The following DPYD variants were observed in gnomAD, a reference collection of about 807,000 sequenced individuals.
The protein encoded by DPYD is dihydropyrimidine dehydrogenase [NADP(+)].
In DPYD, 109 loss-of-function variants were observed where a neutral mutation model predicts 116.2. The ratio of observed to expected loss-of-function variants is 0.94; its 90% CI spans 0.80 to 1.10. The LOEUF (loss-of-function observed/expected upper bound fraction) is 1.10. Ranked by LOEUF, DPYD falls within the 50% of genes least tolerant of loss-of-function variation. DPYD has a pLI of 0.00. For synonymous variants in DPYD, 440 were observed against 432.0 expected, an observed-to-expected ratio of 1.02 and a Z score of -0.23; for missense variants, 1,302 against 1,254.5, an observed-to-expected ratio of 1.04 and a Z score of -0.57.
intron 18 of DPYD, among the ~76,000 whole-genome samples, chr1:97,291,521 G>T (rs1384664521): frequency 6.6e-6 from 1 of 152,144 alleles, no homozygotes; most frequent in Admixed American, 6.5e-5. Flanking sequence ...AAAATGATGA[G>T]TTCATGTCCT....
intron 1 of DPYD, among the ~76,000 whole-genome samples, chr1:97,904,558 T>C (rs1571561470): frequency 2.0e-5 from 3 of 152,034 alleles, no homozygotes; most frequent in South Asian, 2.1e-4. Context: ...TAGACCCTTA[T>C]CAGCCTAGCA....
intron 18 of DPYD, among the ~76,000 whole-genome samples, chr1:97,259,907 C>T (rs888998559): frequency 6.6e-6 from 1 of 152,072 alleles, no homozygotes; most frequent in African/African-American, 2.4e-5. Context: ...CATAAAGTTA[C>T]CTTTCACCAC....
chr1:97,688,761 A>C (rs1208240763), intron 7 of DPYD, among the ~76,000 whole-genome samples: 1 of 152,038 alleles, frequency 6.6e-6, no homozygotes, highest in Non-Finnish European at 1.5e-5. Context: ...TGGTTTTAAT[A>C]TCCATTACAT....
At position 97,909,992 on chromosome 1, in the gene DPYD, C is replaced by T. The variant is rs916581980; in HGVS notation, c.39+10892G>A. On this transcript the variant is annotated intron_variant, in intron 1 of 22. Transcript: ENST00000370192. ...AGTTCAGTCCCACCTCTTTGATTTG[C>T]TTTCATTTTTCCTCAAAAGCCCCTA... is the stretch of plus-strand genomic sequence containing the variant. Among the ~76,000 whole-genome samples, 5 of 152,034 alleles carry T rather than the reference C, an allele frequency of 3.3e-5. No individual in the cohort carries two copies. In the East Asian group the frequency reaches 5.8e-4, roughly 18 times the overall value.
intron 16 of DPYD, among the ~76,000 whole-genome samples, chr1:97,315,414 C>A (rs563711417): frequency 3.2e-4 from 48 of 152,026 alleles, no homozygotes; most frequent in African/African-American, 1.1e-3. Context: ...CTAGCAAAGA[C>A]TTTTCTTGTG....
intron 12 of DPYD, among the ~76,000 whole-genome samples, chr1:97,542,257 A>G (rs1217974059): frequency 6.6e-6 from 1 of 152,166 alleles, no homozygotes; most frequent in African/African-American, 2.4e-5. Context: ...TGGTGAAATA[A>G]AAAGGAGTTG....
In DPYD at chr1:97,751,472, A is replaced by ATATG. The variant is rs1664914860; in HGVS notation, c.234-10994_234-10993insCATA. Among the ~76,000 whole-genome samples, 5 of 113,914 alleles carry ATATG rather than the reference A, an allele frequency of 4.4e-5. 1 individual carries two copies. In the East Asian group the frequency reaches 1.4e-3, roughly 31 times the overall value. The allele number at this position is 113,914 out of a possible 152,430, so 74.7% of individuals were successfully genotyped here. ...TGTGTGTGTGTGTGTATATATATAT[A>ATATG]TATATATATATATATATATATATGG... On this transcript the variant is annotated intron_variant, in intron 3 of 22. Transcript: ENST00000370192.
intron 20 of DPYD, among the ~76,000 whole-genome samples, chr1:97,188,487 T>C (rs1274265677): frequency 6.6e-6 from 1 of 152,188 alleles, no homozygotes. Flanking sequence ...AACTCCAGTA[T>C]GAATAAGATA....
At chr1:97,435,151 T>C (rs1675402116) in intron 14 of DPYD, among the ~76,000 whole-genome samples, 1 of 151,942 alleles carries the variant, frequency 6.6e-6, no homozygotes, top group East Asian at 1.9e-4. Context: ...TTTAAAAAAT[T>C]GTACCTTTTC....
intron 8 of DPYD, among the ~76,000 whole-genome samples, chr1:97,662,496 G>A (rs1180022495): frequency 6.6e-6 from 1 of 151,856 alleles, no homozygotes; most frequent in Non-Finnish European, 1.5e-5. Flanking sequence ...AGCCAGGCGT[G>A]GTGGCACGTG....
chr1:97,459,457 C>T (rs371784265), intron 13 of DPYD, among the ~76,000 whole-genome samples: 13 of 151,900 alleles, frequency 8.6e-5, no homozygotes, highest in South Asian at 4.2e-4. Context: ...GAGGAAAATA[C>T]GTTTTTTAAA....
rs1213794549 is a variant in DPYD at position 97,721,536 on chromosome 1, C to A, written c.457G>T (p.Gly153Cys). The change falls in exon 5 of 23, where the codon GGT becomes TGT. Residue 153 changes from glycine (G) to cysteine (C), a missense_variant. By Grantham distance (159) the Gly-to-Cys change is radical. Transcript: ENST00000370192. ...TCAGTAGCAAATTGCTGCAATCCAC[C>A]AATATTAATGGGTCCCTCTTCAGTG... ...YATEEGPINIGGLQQFATEVF... is the reference protein window; with the variant it reads ...YATEEGPINICGLQQFATEVF... The A allele has an allele frequency of 6.2e-7, 1 of 1,611,290 alleles. No homozygotes were observed. The highest frequency in any genetic ancestry group is 8.5e-7 in the Non-Finnish European group (1 of 1,178,228).
chr1:97,672,172 G>A (rs1235609472), intron 8 of DPYD, among the ~76,000 whole-genome samples: 2 of 151,794 alleles, frequency 1.3e-5, no homozygotes, highest in South Asian at 2.1e-4. Context: ...AAGAACTCCC[G>A]GTCCATTGAT....
Position 97,491,932 on chromosome 1 carries a change from A to G in DPYD, c.1740+23794T>C, listed in dbSNP as rs1229534109. 1.4e-4 allele frequency among the ~76,000 whole-genome samples: 22 copies of G among 152,096 alleles called. 1 individual carries two copies. Among genetic ancestry groups the G allele is most frequent in the Non-Finnish European group, 7.4e-5 (5 of 67,970 alleles). ...GAAAGGCATTTACAAGTTGGTTTAA[A>G]TGTTACAGGGCTTATTATGGATACA... On this transcript the variant is annotated intron_variant, in intron 13 of 22. Coordinates refer to ENST00000370192, the MANE Select transcript of DPYD (RefSeq NM_000110.4).
At chr1:97,329,668 T>C (rs767479018) in intron 16 of DPYD, among the ~76,000 whole-genome samples, 1 of 149,122 alleles carries the variant, frequency 6.7e-6, no homozygotes, top group Non-Finnish European at 1.5e-5. Context: ...CAAGAGAATC[T>C]CTTGAACCCA....
chr1:97,806,017 C>T (rs377303140), intron 3 of DPYD, among the ~76,000 whole-genome samples: 1 of 151,728 alleles, frequency 6.6e-6, no homozygotes, highest in Non-Finnish European at 1.5e-5. Flanking sequence ...ATTTTAGCAA[C>T]CCTCTATCAG....
rs1557858204 is a variant in DPYD at position 97,092,836 on chromosome 1, GT to G, written c.2766+5652del. On this transcript the variant is annotated intron_variant, in intron 21 of 22. Coordinates refer to ENST00000370192, the MANE Select transcript of DPYD (RefSeq NM_000110.4). Reference sequence around the variant, plus strand: ...AACCATAAAAAAGCTGGACATCTTAGTCTTCTTATTATCAGCTCTTTACTAT... The same window carrying G: ...AACCATAAAAAAGCTGGACATCTTAGCTTCTTATTATCAGCTCTTTACTAT... Among the ~76,000 whole-genome samples the G allele has an allele frequency of 2.0e-5, 3 of 151,784 alleles. No individual in the cohort carries two copies. In the East Asian group the frequency reaches 5.9e-4, roughly 30 times the overall value.
At chr1:97,323,756 C>T (rs911379301) in intron 16 of DPYD, among the ~76,000 whole-genome samples, 1 of 147,186 alleles carries the variant, frequency 6.8e-6, no homozygotes, top group African/African-American at 2.5e-5. Flanking sequence ...TATTTAAAAA[C>T]AAATCCACAG....
chr1:97,719,789 A>G lies in DPYD; in HGVS notation c.483+1721T>C, dbSNP rs532913560. On this transcript the variant is annotated intron_variant, in intron 5 of 22. Coordinates refer to ENST00000370192, the MANE Select transcript of DPYD (RefSeq NM_000110.4). ...GTTCCCACGAGGACATTTTTAATTT[A>G]TAATTTGATATTGAAATTACAATTA... 3.0e-6 allele frequency: 3 copies of G among 984,624 alleles called. No homozygotes were observed. The South Asian group carries it at 1.4e-4, about 46-fold the overall frequency. The allele number at this position is 984,624 out of a possible 1,614,324, so 61.0% of individuals were successfully genotyped here.
Sources: gnomAD v4.1 joint callset for allele counts (sites outside exome capture counted in the v4.1 genomes callset) on GRCh38, gnomAD v4.1.1 for gene constraint, MANE v1.5 for transcripts, NCBI Gene and HGNC (gene_info 2026-07-23, HGNC 2026-07-21) for gene names.